CDIN1: variants seen among roughly 807,000 people sequenced by gnomAD.
CDIN1 encodes the protein CDAN1-interacting nuclease 1.
CDIN1 carries 33 observed loss-of-function variants against 45.3 expected under a neutral mutation model. That is an observed-to-expected ratio of 0.73 (90% CI 0.55 to 0.97). The LOEUF is 0.97. CDIN1 is among the 50% of genes least tolerant of loss of function. CDIN1 has a pLI of 0.00. For missense variants in CDIN1, 303 were observed against 339.4 expected, an observed-to-expected ratio of 0.89 and a Z score of 0.84; for synonymous variants, 118 against 124.4, an observed-to-expected ratio of 0.95 and a Z score of 0.34.
intron 10 of CDIN1, among the ~76,000 whole-genome samples, chr15:36,785,850 C>A (rs1030091451): frequency 6.6e-6 from 1 of 151,678 alleles, no homozygotes; most frequent in Non-Finnish European, 1.5e-5. Context: ...TGGCTTGACA[C>A]ACACTGTACC....
At chr15:36,627,748 A>G (rs922340751) in intron 1 of CDIN1, 4 of 152,408 alleles carry the variant, frequency 2.6e-5, no homozygotes, top group African/African-American at 9.6e-5. Context: ...AGCTGGACCA[A>G]CCATCACCAG....
At chr15:36,628,674 A>C (rs1260982023) in intron 1 of CDIN1, among the ~76,000 whole-genome samples, 1 of 152,118 alleles carries the variant, frequency 6.6e-6, no homozygotes, top group Admixed American at 6.5e-5. Context: ...GATGGGGCAA[A>C]TGTATCTGGC....
At chr15:36,748,930 A>G (rs374699079) in intron 10 of CDIN1, among the ~76,000 whole-genome samples, 15 of 152,212 alleles carry the variant, frequency 9.9e-5, no homozygotes, top group African/African-American at 3.4e-4. Context: ...CTTCTCCGGC[A>G]TGTATCACTA....
At chr15:36,692,394 C>T (rs1353952930) in intron 7 of CDIN1, among the ~76,000 whole-genome samples, 1 of 152,194 alleles carries the variant, frequency 6.6e-6, no homozygotes, top group Non-Finnish European at 1.5e-5. Context: ...AGCAGTCACA[C>T]ATTCACATGC....
chr15:36,630,406 T>G (rs2039629323), intron 1 of CDIN1, among the ~76,000 whole-genome samples: 1 of 152,180 alleles, frequency 6.6e-6, no homozygotes, highest in Non-Finnish European at 1.5e-5. Flanking sequence ...CATAGAACTT[T>G]TAAGATGAAC....
chr15:36,754,115 T>C lies in CDIN1; in HGVS notation c.716+44154T>C, dbSNP rs2053545045. On this transcript the variant is annotated intron_variant, in intron 10 of 10. Coordinates refer to ENST00000566621, the MANE Select transcript of CDIN1 (RefSeq NM_001321759.2). ...AGACTTATGCGTGGGTATGCATGTGTTTCTCTCTCCATTCCTTCCTCTTCT... is the reference window on the plus strand; with the variant it reads ...AGACTTATGCGTGGGTATGCATGTGCTTCTCTCTCCATTCCTTCCTCTTCT... 5.3e-5 allele frequency among the ~76,000 whole-genome samples: 8 copies of C among 152,160 alleles called. No homozygotes were observed. The South Asian group carries it at 1.7e-3, about 32-fold the overall frequency.
rs554523961 is a variant in CDIN1, at chr15:36,732,822, A to G, written c.716+22861A>G. Among the ~76,000 whole-genome samples the G allele has an allele frequency of 2.2e-4, 33 of 152,130 alleles. 2 individuals carry two copies. The South Asian group carries it at 2.9e-3, about 13-fold the overall frequency. On this transcript the variant is annotated intron_variant, in intron 10 of 10. Coordinates refer to ENST00000566621, the MANE Select transcript of CDIN1 (RefSeq NM_001321759.2). Reference sequence around the variant, plus strand: ...TTTCTAGTATTTTCTTATCACCAGTATAAGTTTTTAAGTCATAAGATATAA... The same window carrying G: ...TTTCTAGTATTTTCTTATCACCAGTGTAAGTTTTTAAGTCATAAGATATAA...
chr15:36,709,835 T>G (rs534972886), intron 9 of CDIN1, 21 bp from the exon 10 acceptor site: 1 of 1,585,642 alleles, frequency 6.3e-7, no homozygotes, highest in South Asian at 1.1e-5. Flanking sequence ...CTCCGTATAT[T>G]AGTAATGCTT....
At chr15:36,712,011 G>A (rs527438114) in intron 10 of CDIN1, among the ~76,000 whole-genome samples, 2 of 152,134 alleles carry the variant, frequency 1.3e-5, no homozygotes, top group African/African-American at 2.4e-5. Flanking sequence ...ATGTATATTA[G>A]CAATTGCTAA....
intron 1 of CDIN1, among the ~76,000 whole-genome samples, chr15:36,631,645 C>T (rs920033330): frequency 6.6e-6 from 1 of 152,086 alleles, no homozygotes; most frequent in African/African-American, 2.4e-5. Flanking sequence ...TTTATTGATC[C>T]ATTCATCAGC....
chr15:36,739,095 G>C (rs1056206298), intron 10 of CDIN1, among the ~76,000 whole-genome samples: 3 of 152,030 alleles, frequency 2.0e-5, no homozygotes, highest in Admixed American at 6.6e-5. Context: ...TGAGTTTTGC[G>C]GTTTGAAGAA....
At chr15:36,744,332 G>T (rs1180869014) in intron 10 of CDIN1, among the ~76,000 whole-genome samples, 2 of 152,142 alleles carry the variant, frequency 1.3e-5, no homozygotes, top group African/African-American at 4.8e-5. Flanking sequence ...AGAAGCCAGA[G>T]GATTATTGGT....
chr15:36,747,793 T>C (rs2044497289), intron 10 of CDIN1, among the ~76,000 whole-genome samples: 1 of 152,170 alleles, frequency 6.6e-6, no homozygotes, highest in Non-Finnish European at 1.5e-5. Context: ...AAAACATTTT[T>C]CCTAATAATT....
At chr15:36,655,359 A>G (rs1595430008) in intron 4 of CDIN1, among the ~76,000 whole-genome samples, 1 of 137,958 alleles carries the variant, frequency 7.2e-6, no homozygotes, top group African/African-American at 2.7e-5. Context: ...ACAGAGTCTC[A>G]CTCTGTTGCC....
intron 10 of CDIN1, among the ~76,000 whole-genome samples, chr15:36,803,690 C>T (rs746475815): frequency 1.3e-5 from 2 of 152,180 alleles, no homozygotes; most frequent in African/African-American, 2.4e-5. Flanking sequence ...CACTTGAGAG[C>T]TACAGCACGA....
At chr15:36,701,868 G>C in intron 8 of CDIN1, 1 of 574,708 alleles carries the variant, frequency 1.7e-6, no homozygotes, top group Non-Finnish European at 3.1e-6. Context: ...AGCCAAATAG[G>C]CTTAGTGAAG....
At chr15:36,648,188 G>C (rs1195256274) in intron 3 of CDIN1, among the ~76,000 whole-genome samples, 3 of 152,092 alleles carry the variant, frequency 2.0e-5, no homozygotes, top group Non-Finnish European at 4.4e-5. Flanking sequence ...GTGCCACTCA[G>C]AGATCTCTAC....
intron 10 of CDIN1, among the ~76,000 whole-genome samples, chr15:36,740,251 C>T (rs1166780572): frequency 6.6e-6 from 1 of 152,050 alleles, no homozygotes; most frequent in Middle Eastern, 3.2e-3. Flanking sequence ...CTCTTGGACT[C>T]TCTTGTGTGG....
chr15:36,654,141 C>A lies in CDIN1; in HGVS notation c.256C>A (p.Leu86Met). 6.4e-7 allele frequency: 1 copy of A among 1,574,550 alleles called. No individual in the cohort carries two copies. Among genetic ancestry groups the A allele is most frequent in the East Asian group, 2.3e-5 (1 of 43,476 alleles). ...GAAAAATGGAGCTGCCCCAGTGCTC[C>A]TGGACCTGGCCAATGAGGTAATGTT... Reference protein sequence around the residue: ...VVKNGAAPVLLDLANEVDYAP... With the variant: ...VVKNGAAPVLMDLANEVDYAP... Residue 86 changes from leucine to methionine, a missense_variant, in exon 4 of 11, where the codon CTG (leucine) becomes ATG (methionine). By Grantham distance (15) the Leu-to-Met change is conservative (BLOSUM62 2). Transcript: ENST00000566621.
Sources: gnomAD v4.1 joint callset for allele counts (sites outside exome capture counted in the v4.1 genomes callset) on GRCh38, gnomAD v4.1.1 for gene constraint, MANE v1.5 for transcripts, NCBI Gene and HGNC (gene_info 2026-07-23, HGNC 2026-07-21) for gene names.